PLEKHH2: variants seen among roughly 807,000 people sequenced by gnomAD.
PLEKHH2 encodes the protein pleckstrin homology, MyTH4 and FERM domain containing H2, also known as pleckstrin homology domain-containing family H member 2.
PLEKHH2 carries 129 observed loss-of-function variants against 187.9 expected under a neutral mutation model. That is an observed-to-expected ratio of 0.69 (90% confidence interval 0.59 to 0.79). The LOEUF (loss-of-function observed/expected upper bound fraction) is 0.79. PLEKHH2 is among the 30% of genes least tolerant of loss of function. The pLI, the probability that PLEKHH2 is intolerant of heterozygous loss-of-function variation, is 0.00. For synonymous variants in PLEKHH2, 686 were observed against 605.6 expected (o/e 1.13, Z -1.95); for missense variants, 2,076 against 1,751.2 (o/e 1.19, Z -3.31).
At chr2:43,757,089 A>G (rs774099006) in intron 25 of PLEKHH2, 30 bp from the exon 26 acceptor site, 30 of 1,500,076 alleles carry the variant, frequency 2.0e-5, no homozygotes, top group East Asian at 9.8e-5. Context: ...TCTTTTCAAT[A>G]TATTTTCACT....
intron 15 of PLEKHH2, among the ~76,000 whole-genome samples, chr2:43,714,030 G>A (rs546777279): frequency 5.1e-4 from 77 of 152,180 alleles, no homozygotes; most frequent in South Asian, 1.2e-3. Context: ...ATGGGTTAGG[G>A]AACAAAATAT....
At chr2:43,693,833 GTTGT>G (rs1668956874) in intron 4 of PLEKHH2, among the ~76,000 whole-genome samples, 1 of 151,234 alleles carries the variant, frequency 6.6e-6, no homozygotes, top group African/African-American at 2.4e-5. Flanking sequence ...TGTTAAATGT[GTTGT>G]TTATTTTCAG....
chr2:43,747,553 G>C lies in PLEKHH2; in HGVS notation c.3653+1590G>C, dbSNP rs114163265. ...ACACACCTTCTCTACAGATAAAATGGTAATGTACTTTGGCATGTAGTCAGG... is the reference window on the plus strand; with the variant it reads ...ACACACCTTCTCTACAGATAAAATGCTAATGTACTTTGGCATGTAGTCAGG... On this transcript the variant is annotated intron_variant, in intron 24 of 29. Transcript: ENST00000282406. 6.9e-3 allele frequency among the ~76,000 whole-genome samples: 1,051 copies of C among 152,258 alleles called. 17 individuals are homozygous for C. Among genetic ancestry groups the C allele is most frequent in the African/African-American group, 0.024 (1,008 of 41,556 alleles).
chr2:43,754,073 G>C (rs546067210), intron 25 of PLEKHH2, among the ~76,000 whole-genome samples: 1 of 151,374 alleles, frequency 6.6e-6, no homozygotes, highest in African/African-American at 2.4e-5. Context: ...TGCTGAAATC[G>C]CTTGGTAGTC....
chr2:43,757,384 A>G (rs1228004541), intron 26 of PLEKHH2, 120 bp downstream of exon 26: 4 of 776,920 alleles, frequency 5.1e-6, no homozygotes, highest in South Asian at 4.1e-5. Context: ...TTTTTTTAAC[A>G]TGATTGAGCC....
intron 2 of PLEKHH2, among the ~76,000 whole-genome samples, chr2:43,645,231 A>G (rs1666128802): frequency 6.6e-6 from 1 of 152,138 alleles, no homozygotes; most frequent in Admixed American, 6.5e-5. Context: ...TATATTGCTA[A>G]ATTCTTGCCT....
At chr2:43,729,835 C>G (rs1478597390) in intron 18 of PLEKHH2, 90 bp downstream of exon 18, 2 of 765,222 alleles carry the variant, frequency 2.6e-6, no homozygotes, top group Non-Finnish European at 3.9e-6. Context: ...TTAATGGGTT[C>G]CTGTTTCCCT....
At chr2:43,681,688 C>T (rs756028809) in intron 3 of PLEKHH2, 17 of 556,750 alleles carry the variant, frequency 3.1e-5, no homozygotes, top group Non-Finnish European at 4.4e-5. Context: ...GCTCTTACTC[C>T]ATCAGGCCAC....
In PLEKHH2 at chr2:43,713,995, T is replaced by G. The variant is rs538667798; in HGVS notation, c.2460+1612T>G. Among the ~76,000 whole-genome samples the G allele has an allele frequency of 2.0e-5, 3 of 152,334 alleles. No individual in the cohort carries two copies. In the East Asian group the frequency reaches 5.8e-4, roughly 29 times the overall value. On this transcript the variant is annotated intron_variant, in intron 15 of 29. Coordinates refer to ENST00000282406, the MANE Select transcript of PLEKHH2 (RefSeq NM_172069.4). ...TACTATGTTTTTTCTAAAATACGAC[T>G]GTGAAAATGTTTTCTTAGTTACTGA...
intron 2 of PLEKHH2, among the ~76,000 whole-genome samples, chr2:43,667,969 A>C (rs139133947): frequency 2.0e-5 from 3 of 152,324 alleles, no homozygotes; most frequent in Admixed American, 6.5e-5. Flanking sequence ...TTTTTTAAAA[A>C]GTTTGGAAAA....
chr2:43,709,862 T>C, intron 11 of PLEKHH2, 128 bp from the exon 12 acceptor site: 1 of 962,264 alleles, frequency 1.0e-6, no homozygotes. Context: ...GCCAAAGGAA[T>C]GAGAATAAAT....
rs1672598684 is a variant in PLEKHH2, at chr2:43,765,718, A to G, written c.*120A>G. ...CACACCGGTATTCCAAACCTTAACA[A>G]TGAAGGGGGTTAGTCTCTTTTATTT... On this transcript the variant is annotated 3_prime_UTR_variant, in exon 30 of 30. Coordinates refer to ENST00000282406, the MANE Select transcript of PLEKHH2 (RefSeq NM_172069.4). 2.3e-6 allele frequency: 2 copies of G among 853,140 alleles called. No individual in the cohort carries two copies. The highest frequency in any genetic ancestry group is 3.5e-6 in the Non-Finnish European group (2 of 577,082). The allele number at this position is 853,140 out of a possible 1,614,324, so 52.8% of individuals were successfully genotyped here.
rs138129823 is a variant in PLEKHH2, at chr2:43,688,902, G to C, written c.187-3612G>C. 1.2e-4 allele frequency among the ~76,000 whole-genome samples: 18 copies of C among 152,226 alleles called. No homozygotes were observed. In the East Asian group the frequency reaches 3.5e-3, roughly 29 times the overall value. On this transcript the variant is annotated intron_variant, in intron 3 of 29. Coordinates refer to ENST00000282406, the MANE Select transcript of PLEKHH2 (RefSeq NM_172069.4). ...GCCTTGGTGTCCAGGATTTTTATTA[G>C]AGGTCAGTCATGTAGGTCTGAAATA...
chr2:43,675,322 C>G, intron 2 of PLEKHH2: 3 of 1,267,322 alleles, frequency 2.4e-6, no homozygotes, highest in Non-Finnish European at 3.2e-6. Flanking sequence ...AGAATTTGGA[C>G]TAGCCACATT....
intron 19 of PLEKHH2, 37 bp from the exon 20 acceptor site, chr2:43,738,304 T>G: frequency 6.5e-7 from 1 of 1,536,056 alleles, no homozygotes; most frequent in Non-Finnish European, 8.9e-7. Flanking sequence ...ATCTAATCAC[T>G]CCTCACCTTG....
chr2:43,708,300 C>G (rs967357442), intron 11 of PLEKHH2, among the ~76,000 whole-genome samples: 1 of 152,210 alleles, frequency 6.6e-6, no homozygotes, highest in African/African-American at 2.4e-5. Flanking sequence ...TTCCAGGATT[C>G]GGTCACGTAC....
intron 6 of PLEKHH2, among the ~76,000 whole-genome samples, chr2:43,696,886 T>C (rs573079297): frequency 6.6e-6 from 1 of 152,348 alleles, no homozygotes; most frequent in Non-Finnish European, 1.5e-5. Flanking sequence ...AATCTGTTTG[T>C]GTTTTGTCGT....
rs1477756993 is a variant in PLEKHH2, at chr2:43,700,092, A to G, written c.1134A>G (p.Glu378=). 2.5e-6 allele frequency: 4 copies of G among 1,614,196 alleles called. No individual in the cohort carries two copies. The highest frequency in any genetic ancestry group is 1.7e-5 in the Admixed American group (1 of 60,024). The change falls in exon 8 of 30, where the codon GAA becomes GAG. Residue 378 remains glutamate (E), a synonymous_variant. Coordinates refer to ENST00000282406, the MANE Select transcript of PLEKHH2 (RefSeq NM_172069.4). The part of the protein sequence containing the change: ...GKGNSELSKK[E]QDSSSDELNK... ...GAAATTCTGAATTAAGTAAAAAGGA[A>G]CAAGATAGTTCCTCGGATGAACTGA... is the stretch of plus-strand genomic sequence containing the variant.
intron 2 of PLEKHH2, among the ~76,000 whole-genome samples, chr2:43,678,206 G>A (rs1380798436): frequency 4.0e-5 from 6 of 151,778 alleles, no homozygotes; most frequent in South Asian, 2.1e-4. Flanking sequence ...GCCGGGCAGA[G>A]ATGCTCCTCA....
Sources: allele counts gnomAD v4.1 joint callset (sites outside exome capture counted in the v4.1 genomes callset), GRCh38; gene constraint gnomAD v4.1.1; transcripts MANE v1.5; gene names NCBI Gene and HGNC (gene_info 2026-07-23, HGNC 2026-07-21).